The following PDZD2 variants were observed in gnomAD, a reference collection of about 807,000 sequenced individuals.
PDZD2 encodes the protein PDZ domain-containing protein 2.
A neutral mutation model predicts 220.7 loss-of-function variants in PDZD2; 90 were observed. The ratio of observed to expected loss-of-function variants is 0.41; its 90% CI spans 0.34 to 0.49. PDZD2 has a LOEUF of 0.49. Ranked by LOEUF, PDZD2 falls within the 20% of genes least tolerant of loss-of-function variation. The probability of loss-of-function intolerance (pLI) is 0.28; values close to 1 mark genes in which losing one functional copy is unlikely to be tolerated. For synonymous variants in PDZD2, 1,375 were observed against 1,450.5 expected (o/e 0.95, Z 1.18); for missense variants, 3,174 against 3,608.5 (o/e 0.88, Z 3.08).
Position 31,804,943 on chromosome 5 carries a change from C to T in PDZD2, c.476+5219C>T, listed in dbSNP as rs149751011. Among the ~76,000 whole-genome samples, 31 of 152,338 alleles carry T rather than the reference C, an allele frequency of 2.0e-4. No individual in the cohort carries two copies. The East Asian group carries it at 5.4e-3, about 27-fold the overall frequency. ...GCGTGGTGGCTCATGCCTATAATCC[C>T]AGCACTTTGGGAGGCCGAGGCGGGT... On this transcript the variant is annotated intron_variant, in intron 2 of 24. Transcript: ENST00000438447.
intron 1 of PDZD2, among the ~76,000 whole-genome samples, chr5:31,641,374 T>G (rs1744940191): frequency 6.6e-6 from 1 of 152,070 alleles, no homozygotes; most frequent in African/African-American, 2.4e-5. Context: ...GAAAAAGAAG[T>G]CACTTTTGCC....
At chr5:32,086,771 G>A (rs367622163) in intron 19 of PDZD2, among the ~76,000 whole-genome samples, 20 of 151,686 alleles carry the variant, frequency 1.3e-4, no homozygotes, top group African/African-American at 4.6e-4. Context: ...CCACCTCCCA[G>A]GTTCAAGCAA....
intron 1 of PDZD2, among the ~76,000 whole-genome samples, chr5:31,745,308 C>T (rs111494050): frequency 4.9e-4 from 74 of 152,320 alleles, no homozygotes; most frequent in African/African-American, 1.6e-3. Flanking sequence ...ACACTGGTCA[C>T]ACCTCTTCGT....
At chr5:31,703,768 A>G (rs1747698123) in intron 1 of PDZD2, among the ~76,000 whole-genome samples, 3 of 152,204 alleles carry the variant, frequency 2.0e-5, no homozygotes, top group Non-Finnish European at 2.9e-5. Context: ...CCTGTCCCCA[A>G]AGTGATGCCT....
chr5:31,903,346 G>C (rs1742282988), intron 2 of PDZD2, among the ~76,000 whole-genome samples: 1 of 151,590 alleles, frequency 6.6e-6, no homozygotes, highest in Admixed American at 6.6e-5. Flanking sequence ...TGTAATCTAG[G>C]GGTAGAAAGA....
Position 32,087,207 on chromosome 5 carries a change from T to G in PDZD2, c.3759T>G (p.Ser1253=). ...CTCATCCTGACCCCAGCAAGACCTCTGTAGACACAGGGCAAGTCAGTCGGC... is the reference window on the plus strand; with the variant it reads ...CTCATCCTGACCCCAGCAAGACCTCGGTAGACACAGGGCAAGTCAGTCGGC... ...GAAHPDPSKT[S]VDTGQVSRPE... Residue 1253 remains serine, a synonymous_variant, in exon 20 of 25, where the codon TCT becomes TCG. Coordinates refer to ENST00000438447, the MANE Select transcript of PDZD2 (RefSeq NM_178140.4). The surrounding 1 kb of genome is among the most constrained non-coding windows in gnomAD (Gnocchi z 4.0). The G allele has an allele frequency of 1.9e-6, 3 of 1,614,000 alleles. No homozygotes were observed. Among genetic ancestry groups the G allele is most frequent in the Non-Finnish European group, 2.5e-6 (3 of 1,179,918 alleles).
rs1253238415 is a variant in PDZD2, at chr5:32,098,311, C to T, written c.7948-53C>T. 8.9e-6 allele frequency: 14 copies of T among 1,565,316 alleles called. No individual in the cohort carries two copies. Among genetic ancestry groups the T allele is most frequent in the Admixed American group, 5.4e-5 (3 of 55,622 alleles). ...CAGTTAGTTACTATCTCCCTTTTAC[C>T]GGAAATCGTAAGTGGATCTGGTTTT... is the stretch of plus-strand genomic sequence containing the variant. On this transcript the variant is annotated intron_variant, in intron 22 of 24. Transcript: ENST00000438447. The surrounding 1 kb of genome is among the most constrained non-coding windows in gnomAD (Gnocchi z 4.1).
chr5:31,835,130 A>G (rs890110014), intron 2 of PDZD2, among the ~76,000 whole-genome samples: 1 of 152,186 alleles, frequency 6.6e-6, no homozygotes, highest in South Asian at 2.1e-4. Flanking sequence ...AACATTCTGT[A>G]TGTTAGAGGA....
chr5:31,849,115 T>G lies in PDZD2; in HGVS notation c.476+49391T>G, dbSNP rs547223008. On this transcript the variant is annotated intron_variant, in intron 2 of 24. Transcript: ENST00000438447. ...AAAAGATGATTATTTCCCCAGGCAA[T>G]GTAAACCTGTGTACAGCTTGCTTTT... Among the ~76,000 whole-genome samples the G allele has an allele frequency of 7.2e-5, 11 of 152,314 alleles. No individual in the cohort carries two copies. The South Asian group carries it at 2.3e-3, about 32-fold the overall frequency.
intron 2 of PDZD2, among the ~76,000 whole-genome samples, chr5:31,867,793 C>T (rs1243223502): frequency 6.7e-6 from 1 of 149,618 alleles, no homozygotes; most frequent in Non-Finnish European, 1.5e-5. Flanking sequence ...TATTCTTCTA[C>T]ATATGTGTGT....
rs571123162 is a variant in PDZD2, at chr5:32,036,977, A to C, written c.1408-254A>C. Among the ~76,000 whole-genome samples, 3 of 152,298 alleles carry C rather than the reference A, an allele frequency of 2.0e-5. No individual in the cohort carries two copies. In the East Asian group the frequency reaches 5.8e-4, roughly 29 times the overall value. On this transcript the variant is annotated intron_variant, in intron 6 of 24. Coordinates refer to ENST00000438447, the MANE Select transcript of PDZD2 (RefSeq NM_178140.4). ...CCCTGGTTCCATGCTGCGCAGTGAG[A>C]CGTGTGCTGAGGAGGACTGGGGGCC...
chr5:31,922,290 A>G (rs1362917494), intron 2 of PDZD2, among the ~76,000 whole-genome samples: 1 of 152,240 alleles, frequency 6.6e-6, no homozygotes, highest in Non-Finnish European at 1.5e-5. Context: ...CCTTGAAAGT[A>G]CAGCTCTGAG....
intron 2 of PDZD2, among the ~76,000 whole-genome samples, chr5:31,964,246 T>C (rs1040794465): frequency 1.3e-5 from 2 of 152,172 alleles, no homozygotes; most frequent in African/African-American, 4.8e-5. Context: ...TAACGGTAAT[T>C]GGTATTTACT....
chr5:31,865,916 C>G (rs1042400097), intron 2 of PDZD2, among the ~76,000 whole-genome samples: 89 of 151,368 alleles, frequency 5.9e-4, no homozygotes, highest in Non-Finnish European at 1.0e-3. Flanking sequence ...CAGGCGTGAG[C>G]CACCGCACCT....
intron 2 of PDZD2, among the ~76,000 whole-genome samples, chr5:31,849,887 TACAC>T (rs201045110): frequency 0.31 from 12,832 of 41,932 alleles, 3,973 homozygotes; most frequent in East Asian, 0.43. Flanking sequence ...TATATATATA[TACAC>T]ATATATATAT....
intron 7 of PDZD2, among the ~76,000 whole-genome samples, chr5:32,048,252 G>A (rs550589777): frequency 6.6e-6 from 1 of 152,178 alleles, no homozygotes; most frequent in African/African-American, 2.4e-5. Context: ...TTATCCACCA[G>A]AGCTACATCT....
At chr5:31,826,484 C>A (rs1419499113) in intron 2 of PDZD2, among the ~76,000 whole-genome samples, 2 of 151,958 alleles carry the variant, frequency 1.3e-5, no homozygotes, top group Non-Finnish European at 2.9e-5. Context: ...ACCAGCCTGA[C>A]CAACATGGTG....
intron 1 of PDZD2, among the ~76,000 whole-genome samples, chr5:31,689,357 T>A (rs372909765): frequency 0.012 from 578 of 49,618 alleles, 9 homozygotes; most frequent in East Asian, 0.039. Flanking sequence ...ATATATATTT[T>A]TTTTTTTTTT....
At chr5:31,699,021 C>T (rs113347530) in intron 1 of PDZD2, among the ~76,000 whole-genome samples, 9,930 of 152,154 alleles carry the variant, frequency 0.065, 618 homozygotes, top group African/African-American at 0.16. Flanking sequence ...TATTGTTGTG[C>T]GTGGACAAGG....
Sources: gnomAD v4.1 joint callset for allele counts (sites outside exome capture counted in the v4.1 genomes callset) on GRCh38, gnomAD v4.1.1 for gene constraint, Gnocchi (gnomAD v3.1) non-coding constraint, MANE v1.5 for transcripts, NCBI Gene and HGNC (gene_info 2026-07-23, HGNC 2026-07-21) for gene names.